Variants in KASH5 observed in about 807,000 individuals in gnomAD.
KASH5 encodes the protein KASH domain containing 5.
KASH5 carries 72 observed loss-of-function variants against 84.2 expected under a neutral mutation model. That is an observed-to-expected ratio of 0.85 (90% CI 0.71 to 1.04). The LOEUF is 1.04. Among genes scored for constraint, KASH5 ranks in the 50% least tolerant of loss-of-function variants. The probability of loss-of-function intolerance (pLI) is 0.00; values close to 1 mark genes in which losing one functional copy is unlikely to be tolerated. For missense variants in KASH5, 650 were observed against 701.0 expected, an observed-to-expected ratio of 0.93 and a Z score of 0.82; for synonymous variants, 260 against 279.1, an observed-to-expected ratio of 0.93 and a Z score of 0.68.
chr19:49,400,451 C>T (rs1020643750), intron 9 of KASH5, among the ~76,000 whole-genome samples: 12 of 151,150 alleles, frequency 7.9e-5, no homozygotes, highest in Non-Finnish European at 1.2e-4. Flanking sequence ...TGGCAACCAC[C>T]GTCTCCCGGT....
At chr19:49,394,403 C>T (rs1476748885) in intron 2 of KASH5, 73 bp from the exon 3 acceptor site, 34 of 1,179,592 alleles carry the variant, frequency 2.9e-5, no homozygotes, top group Non-Finnish European at 4.3e-5. Flanking sequence ...GCCCAGGAGG[C>T]TGAGGACCTG....
At chr19:49,393,682 C>CATGTGTGT (rs1555790957) in intron 2 of KASH5, 1 of 142,432 alleles carries the variant, frequency 7.0e-6, no homozygotes. Flanking sequence ...GACCCCAGGA[C>CATGTGTGT]GTGTGTGTGT....
intron 11 of KASH5, 91 bp from the exon 12 acceptor site, chr19:49,407,521 C>T: frequency 7.2e-7 from 1 of 1,392,152 alleles, no homozygotes; most frequent in Non-Finnish European, 1.0e-6. Flanking sequence ...TCACCCTGTC[C>T]CTTAACCCCC....
chr19:49,401,053 A>G (rs2122149872), intron 9 of KASH5, among the ~76,000 whole-genome samples: 1 of 152,240 alleles, frequency 6.6e-6, no homozygotes, highest in East Asian at 1.9e-4. Flanking sequence ...GTTTTGTCCA[A>G]GCGTTTGTCA....
At chr19:49,392,244 G>T (rs1309669008) in intron 2 of KASH5, among the ~76,000 whole-genome samples, 1 of 152,160 alleles carries the variant, frequency 6.6e-6, no homozygotes, top group Non-Finnish European at 1.5e-5. Context: ...TCTGAGATAT[G>T]GGAAGGGAAG....
chr19:49,388,937 C>T (rs1371671984), intron 1 of KASH5, among the ~76,000 whole-genome samples: 2 of 151,964 alleles, frequency 1.3e-5, no homozygotes, highest in African/African-American at 4.8e-5. Context: ...CCCAGTCGGA[C>T]CTCAGATTCC....
In KASH5 at chr19:49,395,847, A is replaced by G. The variant is rs1329418378; in HGVS notation, c.400+14A>G. On this transcript the variant is annotated intron_variant, in intron 5 of 19. Transcript: ENST00000447857. This position sits in a 1 kb window ranked among gnomAD's most constrained non-coding sequence, Gnocchi z 4.4. ...AACTGCCATCTGGTGAGATTGCTAT[A>G]TATAGAATGAAGCAGGCAGGCCCTG... is the stretch of plus-strand genomic sequence containing the variant. The G allele has an allele frequency of 1.3e-6, 2 of 1,551,560 alleles. No homozygotes were observed. Among genetic ancestry groups the G allele is most frequent in the African/African-American group, 2.7e-5 (2 of 73,340 alleles).
intron 12 of KASH5, 114 bp from the exon 13 acceptor site, chr19:49,408,853 G>A (rs970267594): frequency 4.9e-6 from 5 of 1,021,264 alleles, no homozygotes; most frequent in Non-Finnish European, 7.4e-6. Context: ...TATGTGTCTG[G>A]GGAGCCCAAA....
In KASH5 at chr19:49,409,023, G is replaced by T. The variant is rs1408287940; in HGVS notation, c.1050G>T (p.Gly350=). 3.1e-6 allele frequency: 5 copies of T among 1,591,862 alleles called. No individual in the cohort carries two copies. Among genetic ancestry groups the T allele is most frequent in the Admixed American group, 1.8e-5 (1 of 56,188 alleles). Residue 350 remains glycine (G), a synonymous_variant, in exon 13 of 20, where the codon GGG becomes GGT. Coordinates refer to ENST00000447857, the MANE Select transcript of KASH5 (RefSeq NM_144688.5). The stretch of plus-strand genomic sequence containing the variant: ...AGCAGCTGAGTCAGACCTATGAGGG[G>T]CCCGATGAGTGAGTGGAATTTCAAG... ...LEEQLSQTYE[G]PDELPEGAQL...
intron 1 of KASH5, among the ~76,000 whole-genome samples, chr19:49,388,948 G>A (rs979946007): frequency 2.0e-5 from 3 of 151,766 alleles, no homozygotes; most frequent in African/African-American, 4.8e-5. Flanking sequence ...CTCAGATTCC[G>A]TCAGAGAGCA....
intron 11 of KASH5, 54 bp downstream of exon 11, chr19:49,407,350 C>G (rs756922082): frequency 1.3e-5 from 20 of 1,575,074 alleles, no homozygotes; most frequent in Non-Finnish European, 1.7e-5. Context: ...CCAGCCACTT[C>G]CTGCCCCTGG....
intron 13 of KASH5, 62 bp from the exon 14 acceptor site, chr19:49,409,134 G>A: frequency 6.3e-7 from 1 of 1,596,586 alleles, no homozygotes; most frequent in Non-Finnish European, 8.5e-7. Flanking sequence ...AGGCCAGCAT[G>A]AGCTGACTGA....
chr19:49,394,403 C>A (rs1476748885), intron 2 of KASH5, 73 bp from the exon 3 acceptor site: 1 of 1,179,710 alleles, frequency 8.5e-7, no homozygotes, highest in Non-Finnish European at 1.3e-6. Flanking sequence ...GCCCAGGAGG[C>A]TGAGGACCTG....
In KASH5 at chr19:49,397,733, C is replaced by A. The variant is rs548756802; in HGVS notation, c.467+16C>A. The A allele has an allele frequency of 5.0e-6, 8 of 1,612,690 alleles. No homozygotes were observed. The East Asian group carries it at 1.3e-4, about 27-fold the overall frequency. On this transcript the variant is annotated intron_variant, in intron 6 of 19. Transcript: ENST00000447857. Reference sequence around the variant, plus strand: ...GACCCGAGCTGTACCTATCCTCACACCCCTCCCTGACCCTCCTGCCCACAC... The same window carrying A: ...GACCCGAGCTGTACCTATCCTCACAACCCTCCCTGACCCTCCTGCCCACAC...
At chr19:49,400,027 G>A (rs76848793) in intron 9 of KASH5, among the ~76,000 whole-genome samples, 1,585 of 152,110 alleles carry the variant, frequency 0.01, 29 homozygotes, top group African/African-American at 0.036. Context: ...CTAGGAGTTC[G>A]AGACCATCCC....
At chr19:49,397,129 C>G (rs1157274706) in intron 5 of KASH5, among the ~76,000 whole-genome samples, 4 of 151,674 alleles carry the variant, frequency 2.6e-5, no homozygotes, top group African/African-American at 9.7e-5. Flanking sequence ...GAAGGAAGTT[C>G]TCTTCAACCT....
At chr19:49,408,286 C>T (rs117894698) in intron 12 of KASH5, 2 of 159,520 alleles carry the variant, frequency 1.3e-5, no homozygotes, top group East Asian at 1.8e-4. Flanking sequence ...TCTAGGCTGT[C>T]TGTCTCCCTA....
At chr19:49,400,505 CA>C (rs1273537084) in intron 9 of KASH5, among the ~76,000 whole-genome samples, 1 of 152,018 alleles carries the variant, frequency 6.6e-6, no homozygotes, top group African/African-American at 2.4e-5. Context: ...GCTGGGATTA[CA>C]GGCATGTGCC....
intron 2 of KASH5, among the ~76,000 whole-genome samples, chr19:49,392,002 C>G (rs1450422598): frequency 6.6e-6 from 1 of 152,148 alleles, no homozygotes; most frequent in Non-Finnish European, 1.5e-5. Flanking sequence ...AGGTAGACAC[C>G]AGGGTGTGGG....
Sources: allele counts gnomAD v4.1 joint callset (sites outside exome capture counted in the v4.1 genomes callset), GRCh38; gene constraint gnomAD v4.1.1; non-coding constraint Gnocchi (gnomAD v3.1); transcripts MANE v1.5; gene names NCBI Gene and HGNC (gene_info 2026-07-23, HGNC 2026-07-21).